The following ADGRB3 variants were observed in gnomAD, a reference collection of about 807,000 sequenced individuals.
ADGRB3 encodes brain-specific angiogenesis inhibitor 3.
A neutral mutation model predicts 193.4 loss-of-function variants in ADGRB3; 37 were observed. The ratio of observed to expected loss-of-function variants is 0.19; its 90% CI spans 0.15 to 0.25. The LOEUF is 0.25. Among genes scored for constraint, ADGRB3 ranks in the 10% least tolerant of loss-of-function variants. The probability of loss-of-function intolerance (pLI) is 1.00; values close to 1 mark genes in which losing one functional copy is unlikely to be tolerated. For synonymous variants in ADGRB3, 690 were observed against 644.2 expected, an observed-to-expected ratio of 1.07 and a Z score of -1.08; for missense variants, 1,637 against 1,852.9, an observed-to-expected ratio of 0.88 and a Z score of 2.14.
intron 3 of ADGRB3, among the ~76,000 whole-genome samples, chr6:68,820,112 T>C (rs1767721731): frequency 6.6e-6 from 1 of 152,048 alleles, no homozygotes; most frequent in Non-Finnish European, 1.5e-5. Flanking sequence ...AACACTCTGA[T>C]CTACCTTCTA....
chr6:68,927,349 A>G (rs1011059124), intron 3 of ADGRB3, among the ~76,000 whole-genome samples: 2 of 152,156 alleles, frequency 1.3e-5, no homozygotes, highest in Admixed American at 6.6e-5. Context: ...AAGAATTTAT[A>G]TTATTCAGAA....
Position 68,974,958 on chromosome 6 carries a change from T to A in ADGRB3, c.1627+94T>A, listed in dbSNP as rs2275209. On this transcript the variant is annotated intron_variant, in intron 9 of 31. Transcript: ENST00000370598. ...TATGAAGTCATGTTTTTGTCTTATA[T>A]CCATAAATAAGTCTGTCCAATAAGC... 7.4e-6 allele frequency: 8 copies of A among 1,083,872 alleles called. No individual in the cohort carries two copies. In the African/African-American group the frequency reaches 1.3e-4, roughly 17 times the overall value. The allele number at this position is 1,083,872 out of a possible 1,614,324, so 67.1% of individuals were successfully genotyped here.
chr6:68,649,995 A>G (rs1297303197), intron 3 of ADGRB3, among the ~76,000 whole-genome samples: 1 of 152,188 alleles, frequency 6.6e-6, no homozygotes, highest in Non-Finnish European at 1.5e-5. Context: ...TCAAAGCACT[A>G]TTCATGCTGT....
chr6:68,893,122 A>G (rs534419595), intron 3 of ADGRB3, among the ~76,000 whole-genome samples: 1 of 152,288 alleles, frequency 6.6e-6, no homozygotes, highest in South Asian at 2.1e-4. Flanking sequence ...TCATTACTAT[A>G]TAGAAAACAA....
chr6:68,817,348 TATATA>T (rs1767657014), intron 3 of ADGRB3, among the ~76,000 whole-genome samples: 1 of 112,758 alleles, frequency 8.9e-6, no homozygotes, highest in African/African-American at 4.1e-5. Flanking sequence ...TATATATATA[TATATA>T]TATATATAAT....
At chr6:68,729,482 A>T (rs1676829340) in intron 3 of ADGRB3, among the ~76,000 whole-genome samples, 1 of 151,606 alleles carries the variant, frequency 6.6e-6, no homozygotes, top group Non-Finnish European at 1.5e-5. Context: ...TCAGAGCATG[A>T]CGAGTCAGAA....
chr6:69,295,715 T>A (rs1767801514), intron 20 of ADGRB3, among the ~76,000 whole-genome samples: 1 of 152,180 alleles, frequency 6.6e-6, no homozygotes, highest in Non-Finnish European at 1.5e-5. Context: ...CTTGCACCTG[T>A]GCTGTTAAAG....
At chr6:68,665,656 T>G (rs1040761615) in intron 3 of ADGRB3, among the ~76,000 whole-genome samples, 3 of 151,820 alleles carry the variant, frequency 2.0e-5, no homozygotes, top group Admixed American at 6.6e-5. Flanking sequence ...TCATTGCTAA[T>G]TGGGGCTTCA....
intron 3 of ADGRB3, among the ~76,000 whole-genome samples, chr6:68,877,360 G>T (rs1765621691): frequency 6.8e-6 from 1 of 148,078 alleles, no homozygotes; most frequent in Non-Finnish European, 1.5e-5. Context: ...TAGTGTATAT[G>T]TTCAAAATAA....
At chr6:68,662,253 A>C (rs547457991) in intron 3 of ADGRB3, among the ~76,000 whole-genome samples, 178 of 151,722 alleles carry the variant, frequency 1.2e-3, no homozygotes, top group African/African-American at 4.0e-3. Context: ...CTTTTCATGT[A>C]ATTTTAGTGC....
At chr6:69,241,673 T>G (rs1464025246) in intron 20 of ADGRB3, among the ~76,000 whole-genome samples, 1 of 151,976 alleles carries the variant, frequency 6.6e-6, no homozygotes, top group South Asian at 2.1e-4. Context: ...TCATTTCTTA[T>G]TTTGAGGAAG....
rs1449267662 is a variant in ADGRB3, at chr6:68,772,893, AAATATATATAT to A, written c.757+133463_757+133473del. On this transcript the variant is annotated intron_variant, in intron 3 of 31. Coordinates refer to ENST00000370598, the MANE Select transcript of ADGRB3 (RefSeq NM_001704.3). Reference sequence around the variant, plus strand: ...AACAAACAAACAAACAAAAAAAAAAAAATATATATATATATATATATATATATATATATATA... The same window carrying A: ...AACAAACAAACAAACAAAAAAAAAAAATATATATATATATATATATATATA... Among the ~76,000 whole-genome samples the A allele has an allele frequency of 0.019, 439 of 22,652 alleles. 7 individuals are homozygous for A. In the East Asian group the frequency reaches 0.2, roughly 10 times the overall value. 14.9% of individuals were successfully genotyped at this position (22,652 alleles called of 152,430 possible).
intron 3 of ADGRB3, among the ~76,000 whole-genome samples, chr6:68,835,104 T>A (rs1210118836): frequency 6.6e-6 from 1 of 152,184 alleles, no homozygotes; most frequent in Non-Finnish European, 1.5e-5. Flanking sequence ...TTTTGTCAGT[T>A]TCAGAACACA....
At chr6:68,775,204 C>T (rs1225881382) in intron 3 of ADGRB3, among the ~76,000 whole-genome samples, 1 of 149,530 alleles carries the variant, frequency 6.7e-6, no homozygotes, top group Non-Finnish European at 1.5e-5. Context: ...ACTTCAACTC[C>T]AGTCTGCATT....
intron 6 of ADGRB3, among the ~76,000 whole-genome samples, chr6:68,950,888 T>TA (rs1293029238): frequency 6.6e-6 from 1 of 152,188 alleles, no homozygotes; most frequent in Non-Finnish European, 1.5e-5. Flanking sequence ...TATTAGGTTT[T>TA]AAAATGTAAA....
At chr6:69,209,806 G>C (rs1228428298) in intron 17 of ADGRB3, among the ~76,000 whole-genome samples, 1 of 152,104 alleles carries the variant, frequency 6.6e-6, no homozygotes, top group African/African-American at 2.4e-5. Flanking sequence ...ATTATGTATA[G>C]AGTCACTAAA....
intron 3 of ADGRB3, among the ~76,000 whole-genome samples, chr6:68,842,370 G>C (rs1347290090): frequency 6.6e-6 from 1 of 151,830 alleles, no homozygotes; most frequent in Non-Finnish European, 1.5e-5. Context: ...AACATCATTA[G>C]AGGCTAATGT....
At chr6:69,258,310 T>C (rs990317853) in intron 20 of ADGRB3, among the ~76,000 whole-genome samples, 2 of 152,206 alleles carry the variant, frequency 1.3e-5, no homozygotes, top group South Asian at 4.1e-4. Context: ...ATTATTTCTG[T>C]TTTGTTTTTG....
intron 3 of ADGRB3, among the ~76,000 whole-genome samples, chr6:68,899,678 A>G (rs1766339130): frequency 2.0e-5 from 3 of 152,062 alleles, no homozygotes; most frequent in South Asian, 4.1e-4. Flanking sequence ...CATTTTCTTA[A>G]TTCAGTCTAG....
Sources: allele counts gnomAD v4.1 joint callset (sites outside exome capture counted in the v4.1 genomes callset), GRCh38; gene constraint gnomAD v4.1.1; transcripts MANE v1.5; gene names NCBI Gene and HGNC (gene_info 2026-07-23, HGNC 2026-07-21).